PDZD2: variants seen among roughly 807,000 people sequenced by gnomAD.
PDZD2 encodes PDZ domain containing 2.
A neutral mutation model predicts 220.7 loss-of-function variants in PDZD2; 90 were observed. The observed-to-expected ratio is 0.41, with a 90% CI of 0.34 to 0.49. The LOEUF (loss-of-function observed/expected upper bound fraction) is 0.49, where lower values mean the gene tolerates loss of function less well. Among genes scored for constraint, PDZD2 ranks in the 20% least tolerant of loss-of-function variants. The pLI, the probability that PDZD2 is intolerant of heterozygous loss-of-function variation, is 0.28. For synonymous variants in PDZD2, 1,375 were observed against 1,450.5 expected, an observed-to-expected ratio of 0.95 and a Z score of 1.18; for missense variants, 3,174 against 3,608.5, an observed-to-expected ratio of 0.88 and a Z score of 3.08.
intron 2 of PDZD2, among the ~76,000 whole-genome samples, chr5:31,962,694 G>T (rs994012345): frequency 5.9e-5 from 9 of 152,170 alleles, no homozygotes; most frequent in Non-Finnish European, 1.0e-4. Flanking sequence ...CCCAGCCTGG[G>T]GAGCTAGAAC....
rs559098372 is a variant in PDZD2, at chr5:31,893,786, TA to T, written c.477-89364del. Among the ~76,000 whole-genome samples, 7 of 152,346 alleles carry T rather than the reference TA, an allele frequency of 4.6e-5. No individual in the cohort carries two copies. The South Asian group carries it at 1.4e-3, about 32-fold the overall frequency. On this transcript the variant is annotated intron_variant, in intron 2 of 24. Coordinates refer to ENST00000438447, the MANE Select transcript of PDZD2 (RefSeq NM_178140.4). ...GTATGTGTCTGTGTGCTACAGTTAC[TA>T]AAAATTTCAGACTAGTTAGAAAAAA...
chr5:31,732,890 C>T (rs1047761267), intron 1 of PDZD2, among the ~76,000 whole-genome samples: 10 of 151,994 alleles, frequency 6.6e-5, no homozygotes, highest in East Asian at 5.8e-4. Context: ...CACCACGCTC[C>T]GCTAATTTTT....
At chr5:31,826,537 G>A (rs945118644) in intron 2 of PDZD2, among the ~76,000 whole-genome samples, 3 of 151,954 alleles carry the variant, frequency 2.0e-5, no homozygotes, top group Non-Finnish European at 2.9e-5. Flanking sequence ...TTAGCCAGCT[G>A]TGGTGGCACG....
chr5:31,984,987 G>C (rs1750600759), intron 3 of PDZD2, among the ~76,000 whole-genome samples: 1 of 151,964 alleles, frequency 6.6e-6, no homozygotes, highest in Non-Finnish European at 1.5e-5. Context: ...TGAGGAGCTG[G>C]GTGATCTTCA....
intron 1 of PDZD2, among the ~76,000 whole-genome samples, chr5:31,734,236 C>T (rs1035273275): frequency 5.3e-5 from 8 of 152,040 alleles, no homozygotes; most frequent in African/African-American, 9.7e-5. Context: ...CATACCCTCT[C>T]GGGGTGTTCC....
intron 1 of PDZD2, among the ~76,000 whole-genome samples, chr5:31,682,830 CT>C (rs1746701844): frequency 6.6e-6 from 1 of 151,942 alleles, no homozygotes; most frequent in Non-Finnish European, 1.5e-5. Flanking sequence ...TACCTTGTAC[CT>C]TTTGTATCCT....
At position 31,705,232 on chromosome 5, in the gene PDZD2, C is replaced by G. The variant is rs1247796870; in HGVS notation, c.-361+65795C>G. ...CACATACACACTCACACTCACTCTA[C>G]TGGCTCTGTTCCCTCCAGAAGTTTA... On this transcript the variant is annotated intron_variant, in intron 1 of 24. Transcript: ENST00000438447. Among the ~76,000 whole-genome samples, 4 of 151,914 alleles carry G rather than the reference C, an allele frequency of 2.6e-5. No individual in the cohort carries two copies. The East Asian group carries it at 7.7e-4, about 29-fold the overall frequency.
At chr5:31,964,272 A>C (rs924421202) in intron 2 of PDZD2, among the ~76,000 whole-genome samples, 58 of 152,208 alleles carry the variant, frequency 3.8e-4, no homozygotes, top group African/African-American at 1.4e-3. Context: ...GCAGGTGGGA[A>C]TCCCACCATC....
chr5:32,088,325 C>T lies in PDZD2; in HGVS notation c.4877C>T (p.Ala1626Val). 1.2e-6 allele frequency: 2 copies of T among 1,614,106 alleles called. No individual in the cohort carries two copies. The highest frequency in any genetic ancestry group is 1.7e-6 in the Non-Finnish European group (2 of 1,179,996). ...CCCACCCAGGCTGCCATCTGTCCTGCCTCAGCCAAAGTTCTGTCATTAAAA... is the reference window on the plus strand; with the variant it reads ...CCCACCCAGGCTGCCATCTGTCCTGTCTCAGCCAAAGTTCTGTCATTAAAA... ...HLPTQAAICP[A>V]SAKVLSLKYS... Residue 1626 changes from alanine (A) to valine (V), a missense_variant, in exon 20 of 25, where the codon GCC becomes GTC. Physicochemically the swap from Ala to Val is moderately conservative, Grantham distance 64. This residue lies in a region of PDZD2 where 1,861 missense variants were observed against 2,001.0 expected (regional missense o/e 0.93). Coordinates refer to ENST00000438447, the MANE Select transcript of PDZD2 (RefSeq NM_178140.4). The surrounding 1 kb of genome is among the most constrained non-coding windows in gnomAD (Gnocchi z 4.6).
At chr5:31,986,827 TG>T (rs1370793012) in intron 3 of PDZD2, among the ~76,000 whole-genome samples, 1 of 152,230 alleles carries the variant, frequency 6.6e-6, no homozygotes, top group African/African-American at 2.4e-5. Flanking sequence ...TTTCATAGAC[TG>T]TTACTTGTTC....
chr5:32,048,230 C>T (rs1738165055), intron 7 of PDZD2, among the ~76,000 whole-genome samples: 1 of 152,242 alleles, frequency 6.6e-6, no homozygotes, highest in Non-Finnish European at 1.5e-5. Flanking sequence ...TAATAGCCTT[C>T]TCACTATTCC....
rs1738253885 is a variant in PDZD2 at position 31,866,597 on chromosome 5, A to G, written c.476+66873A>G. ...ACAAGTGTGCAAATTATTTTTTAAAAAAGAAGAGAAAGGGAAGACAGAAAG... is the reference window on the plus strand; with the variant it reads ...ACAAGTGTGCAAATTATTTTTTAAAGAAGAAGAGAAAGGGAAGACAGAAAG... On this transcript the variant is annotated intron_variant, in intron 2 of 24. Coordinates refer to ENST00000438447, the MANE Select transcript of PDZD2 (RefSeq NM_178140.4). Among the ~76,000 whole-genome samples, 4 of 152,182 alleles carry G rather than the reference A, an allele frequency of 2.6e-5. No homozygotes were observed. The South Asian group carries it at 8.3e-4, about 32-fold the overall frequency.
intron 2 of PDZD2, among the ~76,000 whole-genome samples, chr5:31,836,883 T>C (rs150493440): frequency 0.014 from 2,054 of 151,990 alleles, 39 homozygotes; most frequent in African/African-American, 0.046. Context: ...CTGGGCATGA[T>C]GGTGGGTGCC....
At chr5:31,994,267 C>A (rs971119915) in intron 3 of PDZD2, among the ~76,000 whole-genome samples, 1 of 151,428 alleles carries the variant, frequency 6.6e-6, no homozygotes, top group Non-Finnish European at 1.5e-5. Flanking sequence ...TTGGCCTCCT[C>A]AAAGTGCTGG....
chr5:31,999,988 C>A, intron 4 of PDZD2, 151 bp from the exon 5 acceptor site: 1 of 634,760 alleles, frequency 1.6e-6, no homozygotes, highest in Non-Finnish European at 2.8e-6. Context: ...AATAAACAAT[C>A]GCATCCCCAA....
At chr5:31,649,041 T>A (rs1745239113) in intron 1 of PDZD2, among the ~76,000 whole-genome samples, 1 of 151,730 alleles carries the variant, frequency 6.6e-6, no homozygotes, top group Admixed American at 6.6e-5. Flanking sequence ...CCCAGAGGGG[T>A]TTTTTTGTTT....
Position 31,908,657 on chromosome 5 carries a change from TGAA to T in PDZD2, c.477-74494_477-74492del, listed in dbSNP as rs1320315059. On this transcript the variant is annotated intron_variant, in intron 2 of 24. Transcript: ENST00000438447. ...GGTTACGTGATATCAAAGACAAACT[TGAA>T]GAACAGAGACCAGAAAGAGTAAAAC... 13 of 1,163,864 alleles carry T rather than the reference TGAA, an allele frequency of 1.1e-5. No homozygotes were observed. In the East Asian group the frequency reaches 4.2e-4, roughly 38 times the overall value. 72.1% of individuals were successfully genotyped at this position (1,163,864 alleles called of 1,614,324 possible). A position where few individuals can be genotyped will look rare whatever the true frequency, so the allele number is the denominator to read the frequency against.
intron 3 of PDZD2, among the ~76,000 whole-genome samples, chr5:31,993,546 ATTCT>A: frequency 6.6e-6 from 1 of 152,318 alleles, no homozygotes; most frequent in South Asian, 2.1e-4. Flanking sequence ...AATGCCACAC[ATTCT>A]TTCTCCTTTG....
intron 2 of PDZD2, among the ~76,000 whole-genome samples, chr5:31,817,897 C>G (rs62348963): frequency 0.085 from 12,846 of 151,474 alleles, 720 homozygotes; most frequent in Middle Eastern, 0.14. Flanking sequence ...TTCATGACCT[C>G]AGGTGATCCG....
Sources: allele counts gnomAD v4.1 joint callset (sites outside exome capture counted in the v4.1 genomes callset), GRCh38; gene constraint gnomAD v4.1.1; regional missense constraint gnomAD v4.1.1; non-coding constraint Gnocchi (gnomAD v3.1); transcripts MANE v1.5; gene names NCBI Gene and HGNC (gene_info 2026-07-23, HGNC 2026-07-21).